MMP16: variants seen among roughly 807,000 people sequenced by gnomAD.
MMP16 encodes the protein matrix metalloproteinase-16.
Under a neutral mutation model 67.8 loss-of-function variants are expected in MMP16, and 12 were observed. The ratio of observed to expected loss-of-function variants is 0.18; its 90% confidence interval spans 0.11 to 0.29. The LOEUF (loss-of-function observed/expected upper bound fraction) is 0.29, where lower values mean the gene tolerates loss of function less well. MMP16 is among the 10% of genes least tolerant of loss of function. The pLI is 1.00. For missense variants in MMP16, 475 were observed against 765.7 expected, an observed-to-expected ratio of 0.62 and a Z score of 4.48; for synonymous variants, 249 against 255.9, an observed-to-expected ratio of 0.97 and a Z score of 0.26.
intron 7 of MMP16, among the ~76,000 whole-genome samples, chr8:88,060,685 G>A (rs899469030): frequency 6.6e-6 from 1 of 152,014 alleles, no homozygotes; most frequent in Admixed American, 6.6e-5. Flanking sequence ...TTATTACTTA[G>A]TACATTGTAC....
intron 1 of MMP16, among the ~76,000 whole-genome samples, chr8:88,287,762 C>T (rs947971682): frequency 6.6e-6 from 1 of 152,182 alleles, no homozygotes; most frequent in African/African-American, 2.4e-5. Context: ...TGATCACTTC[C>T]TATGTGTCAG....
At chr8:88,302,632 G>A (rs2130046310) in intron 1 of MMP16, among the ~76,000 whole-genome samples, 1 of 152,294 alleles carries the variant, frequency 6.6e-6, no homozygotes, top group South Asian at 2.1e-4. Flanking sequence ...GTATGCATAT[G>A]TGTGTAGGGG....
chr8:88,083,842 T>C (rs561359245), intron 6 of MMP16, among the ~76,000 whole-genome samples: 7 of 152,160 alleles, frequency 4.6e-5, no homozygotes, highest in Admixed American at 1.3e-4. Flanking sequence ...ACATTCCATC[T>C]ATTATTGAGA....
intron 4 of MMP16, among the ~76,000 whole-genome samples, chr8:88,149,690 C>G (rs1228763698): frequency 1.3e-5 from 2 of 151,516 alleles, no homozygotes; most frequent in Non-Finnish European, 3.0e-5. Context: ...GAAAGGACAT[C>G]CACACCAAAA....
At chr8:88,185,381 T>C (rs1169680757) in intron 3 of MMP16, among the ~76,000 whole-genome samples, 1 of 151,998 alleles carries the variant, frequency 6.6e-6, no homozygotes, top group Non-Finnish European at 1.5e-5. Flanking sequence ...ATTGCTTGAT[T>C]CTGGGAAGTG....
At chr8:88,116,929 C>A (rs1469722548) in intron 5 of MMP16, among the ~76,000 whole-genome samples, 1 of 152,080 alleles carries the variant, frequency 6.6e-6, no homozygotes, top group African/African-American at 2.4e-5. Flanking sequence ...ATGCTAGCTT[C>A]TGGATCCAGG....
At chr8:88,253,994 TAA>T (rs1290834713) in intron 1 of MMP16, among the ~76,000 whole-genome samples, 3 of 152,058 alleles carry the variant, frequency 2.0e-5, no homozygotes, top group Non-Finnish European at 2.9e-5. Flanking sequence ...TGTTCTACTA[TAA>T]AGACACACGT....
chr8:88,100,597 C>A (rs891630205), intron 6 of MMP16, among the ~76,000 whole-genome samples: 1 of 151,918 alleles, frequency 6.6e-6, no homozygotes, highest in African/African-American at 2.4e-5. Flanking sequence ...GAAACAGAAA[C>A]ACCATTTTAC....
chr8:88,075,224 C>T (rs181675414), intron 6 of MMP16, among the ~76,000 whole-genome samples: 4 of 152,056 alleles, frequency 2.6e-5, no homozygotes, highest in East Asian at 3.9e-4. Context: ...AAGTAGAGCC[C>T]TCTTTCATCA....
intron 4 of MMP16, among the ~76,000 whole-genome samples, chr8:88,124,665 C>T (rs1807896215): frequency 6.6e-6 from 1 of 151,984 alleles, no homozygotes; most frequent in Non-Finnish European, 1.5e-5. Context: ...CTTTTTTCCA[C>T]TGAACTAATA....
At chr8:88,308,942 TA>T (rs1811253725) in intron 1 of MMP16, among the ~76,000 whole-genome samples, 1 of 151,710 alleles carries the variant, frequency 6.6e-6, no homozygotes, top group Admixed American at 6.6e-5. Context: ...GTTTAAAACA[TA>T]AAAAAATTCC....
chr8:88,179,307 T>C (rs944430035), intron 3 of MMP16, among the ~76,000 whole-genome samples: 12 of 152,042 alleles, frequency 7.9e-5, no homozygotes, highest in Non-Finnish European at 5.9e-5. Flanking sequence ...CTTGAAATAT[T>C]CAAGGTTTAA....
chr8:88,193,419 T>C (rs1303328431), intron 2 of MMP16, among the ~76,000 whole-genome samples: 2 of 152,010 alleles, frequency 1.3e-5, no homozygotes, highest in Admixed American at 6.6e-5. Context: ...TCTAGAATTA[T>C]GGTTACTAGA....
intron 6 of MMP16, among the ~76,000 whole-genome samples, chr8:88,088,483 C>T (rs1808881074): frequency 6.6e-6 from 1 of 151,932 alleles, no homozygotes. Context: ...GAGAGATTTG[C>T]TCCTAAGAGA....
chr8:88,088,411 A>G (rs1808879857), intron 6 of MMP16, among the ~76,000 whole-genome samples: 1 of 151,920 alleles, frequency 6.6e-6, no homozygotes, highest in South Asian at 2.1e-4. Flanking sequence ...TTTCAAAGGA[A>G]CACAAAGTTA....
At chr8:88,168,184 A>C (rs917512401) in intron 3 of MMP16, among the ~76,000 whole-genome samples, 2 of 152,214 alleles carry the variant, frequency 1.3e-5, no homozygotes, top group Admixed American at 1.3e-4. Context: ...CAAAGTTTTA[A>C]ATGAGAAGAT....
At chr8:88,066,207 T>C (rs1808461411) in intron 7 of MMP16, among the ~76,000 whole-genome samples, 1 of 152,154 alleles carries the variant, frequency 6.6e-6, no homozygotes, top group Admixed American at 6.6e-5. Flanking sequence ...TTGCACCAGC[T>C]CAATTTTTAA....
intron 4 of MMP16, among the ~76,000 whole-genome samples, chr8:88,153,319 C>T (rs1307717518): frequency 1.3e-5 from 2 of 152,076 alleles, no homozygotes; most frequent in African/African-American, 4.8e-5. Context: ...CAATGCCGTC[C>T]CCATCAAGCT....
At chr8:88,258,254 T>G (rs1210398216) in intron 1 of MMP16, among the ~76,000 whole-genome samples, 1 of 152,180 alleles carries the variant, frequency 6.6e-6, no homozygotes, top group Non-Finnish European at 1.5e-5. Flanking sequence ...TAATAAAATT[T>G]CCTTTTCTTG....
Sources: allele counts gnomAD v4.1 joint callset (sites outside exome capture counted in the v4.1 genomes callset), GRCh38; gene constraint gnomAD v4.1.1; transcripts MANE v1.5; gene names NCBI Gene and HGNC (gene_info 2026-07-23, HGNC 2026-07-21).